The following CYP4Z1 variants were observed in gnomAD, a reference collection of about 807,000 sequenced individuals.
The protein encoded by CYP4Z1 is cytochrome P450 family 4 subfamily Z member 1, also known as cytochrome P450 4Z1.
In CYP4Z1, 41 loss-of-function variants were observed where a neutral mutation model predicts 54.2. That is an observed-to-expected ratio of 0.76 (90% confidence interval 0.59 to 0.98). CYP4Z1 has a LOEUF of 0.98. CYP4Z1 is among the 50% of genes least tolerant of loss of function. CYP4Z1 has a pLI of 0.00. For missense variants in CYP4Z1, 513 were observed against 599.0 expected, an observed-to-expected ratio of 0.86 and a Z score of 1.50; for synonymous variants, 163 against 206.2, an observed-to-expected ratio of 0.79 and a Z score of 1.79.
At chr1:47,110,192 T>C (rs12135484) in intron 9 of CYP4Z1, among the ~76,000 whole-genome samples, 43,653 of 122,672 alleles carry the variant, frequency 0.36, 8,755 homozygotes, top group East Asian at 0.95. Flanking sequence ...AATCTGATGG[T>C]CCAGTAAGCC....
chr1:47,097,918 T>C (rs944781168), intron 7 of CYP4Z1, among the ~76,000 whole-genome samples: 2 of 149,802 alleles, frequency 1.3e-5, no homozygotes, highest in African/African-American at 4.9e-5. Flanking sequence ...CAGGTTCAAG[T>C]GATTCTCATG....
intron 6 of CYP4Z1, among the ~76,000 whole-genome samples, chr1:47,092,757 A>G (rs1452261761): frequency 6.6e-6 from 1 of 151,426 alleles, no homozygotes; most frequent in Non-Finnish European, 1.5e-5. Context: ...CCTGATTTTT[A>G]GCTGCTGTGA....
intron 2 of CYP4Z1, among the ~76,000 whole-genome samples, chr1:47,069,356 C>T (rs1363485011): frequency 2.0e-5 from 3 of 152,230 alleles, no homozygotes; most frequent in Non-Finnish European, 4.4e-5. Flanking sequence ...CTGGCCTTCG[C>T]CTCACTCTCC....
intron 6 of CYP4Z1, among the ~76,000 whole-genome samples, chr1:47,085,633 C>CT (rs951716235): frequency 9.2e-5 from 14 of 151,814 alleles, no homozygotes; most frequent in East Asian, 1.9e-4. Context: ...ATTCCATACT[C>CT]TTTTTTTTCC....
Position 47,115,491 on chromosome 1 carries a change from G to A in CYP4Z1, c.1202-38G>A, listed in dbSNP as rs368856358. 13 of 1,556,220 alleles carry A rather than the reference G, an allele frequency of 8.4e-6. No homozygotes were observed. The East Asian group carries it at 1.1e-4, about 13-fold the overall frequency. ...AGAAAAAAAAAAAGACAGAATCTTC[G>A]CTCATGCACTTACCTGCTTTTTCTT... On this transcript the variant is annotated intron_variant, in intron 9 of 11. Coordinates refer to ENST00000334194, the MANE Select transcript of CYP4Z1 (RefSeq NM_178134.3).
chr1:47,073,747 T>C (rs1433405308), intron 2 of CYP4Z1, among the ~76,000 whole-genome samples: 1 of 151,300 alleles, frequency 6.6e-6, no homozygotes, highest in Non-Finnish European at 1.5e-5. Context: ...GCCCATTGTT[T>C]ATCTTTGGAG....
chr1:47,063,085 A>G (rs1227796741), upstream of CYP4Z1, among the ~76,000 whole-genome samples: 1 of 152,234 alleles, frequency 6.6e-6, no homozygotes, highest in Non-Finnish European at 1.5e-5. Flanking sequence ...ACTCCCCAGT[A>G]GCAGCCTAGA....
chr1:47,062,087 A>G, the CYP4Z1 span, among the ~76,000 whole-genome samples: 2 of 152,216 alleles, frequency 1.3e-5, no homozygotes, highest in Admixed American at 1.3e-4. Context: ...ATGAATGGGG[A>G]AAAGATGGAA....
At chr1:47,056,185 G>A in the CYP4Z1 span, among the ~76,000 whole-genome samples, 3 of 152,156 alleles carry the variant, frequency 2.0e-5, no homozygotes, top group Non-Finnish European at 2.9e-5. Context: ...GTACCCAGTA[G>A]TCATTCAGGA....
intron 7 of CYP4Z1, among the ~76,000 whole-genome samples, 191 bp downstream of exon 7, chr1:47,094,860 T>A (rs1644665666): frequency 6.6e-6 from 1 of 151,950 alleles, no homozygotes; most frequent in African/African-American, 2.4e-5. Context: ...ACACAAAAAT[T>A]AGCTGGGCAT....
chr1:47,096,254 TA>T lies in CYP4Z1; in HGVS notation c.876+1591del, dbSNP rs1644675960. Among the ~76,000 whole-genome samples the T allele has an allele frequency of 2.0e-5, 3 of 152,032 alleles. 1 individual carries two copies. The highest frequency in any genetic ancestry group is 2.1e-4 in the South Asian group (1 of 4,816). On this transcript the variant is annotated intron_variant, in intron 7 of 11. Transcript: ENST00000334194. Reference sequence around the variant, plus strand: ...GCAACATAGCAAGACCCCAACTCTATAAAAAATTTAAAAATTATCCAGGTGT... The same window carrying T: ...GCAACATAGCAAGACCCCAACTCTATAAAAATTTAAAAATTATCCAGGTGT...
intron 10 of CYP4Z1, among the ~76,000 whole-genome samples, chr1:47,115,871 C>G (rs1383103428): frequency 6.6e-6 from 1 of 152,186 alleles, no homozygotes; most frequent in Non-Finnish European, 1.5e-5. Context: ...CCACCTTGCT[C>G]TCTGCTTTCA....
intron 8 of CYP4Z1, among the ~76,000 whole-genome samples, chr1:47,104,858 A>T (rs2148539144): frequency 6.6e-6 from 1 of 152,020 alleles, no homozygotes; most frequent in East Asian, 1.9e-4. Flanking sequence ...GAATGCTCAG[A>T]TGAGAATGGC....
chr1:47,082,248 T>C (rs1223087741), intron 3 of CYP4Z1, 86 bp from the exon 4 acceptor site: 1 of 1,492,612 alleles, frequency 6.7e-7, no homozygotes, highest in East Asian at 2.3e-5. Flanking sequence ...TCCAGTGTCA[T>C]AGATAGGGAA....
chr1:47,113,372 C>T (rs535637477), intron 9 of CYP4Z1, among the ~76,000 whole-genome samples: 3 of 152,126 alleles, frequency 2.0e-5, no homozygotes, highest in Non-Finnish European at 4.4e-5. Context: ...ATGAGGTTCC[C>T]CTCTCAATTC....
intron 6 of CYP4Z1, among the ~76,000 whole-genome samples, chr1:47,090,966 C>T (rs1292419748): frequency 7.7e-6 from 1 of 130,480 alleles, no homozygotes; most frequent in Non-Finnish European, 1.6e-5. Flanking sequence ...GTTGTGTTAT[C>T]GTCTATTGGA....
At chr1:47,108,084 C>A (rs1203966552) in intron 9 of CYP4Z1, among the ~76,000 whole-genome samples, 3 of 152,230 alleles carry the variant, frequency 2.0e-5, no homozygotes, top group South Asian at 4.1e-4. Flanking sequence ...GAAGTGCACA[C>A]GCAGAGTTGC....
intron 6 of CYP4Z1, among the ~76,000 whole-genome samples, chr1:47,088,122 T>A (rs934605276): frequency 6.6e-6 from 1 of 152,222 alleles, no homozygotes; most frequent in Non-Finnish European, 1.5e-5. Flanking sequence ...GATTTTTGCA[T>A]CAATGTTCAT....
intron 8 of CYP4Z1, 30 bp downstream of exon 8, chr1:47,099,314 A>G (rs764014235): frequency 6.5e-7 from 1 of 1,542,224 alleles, no homozygotes. Context: ...TTCATCCTGA[A>G]TTTTCCCCTT....
Sources: allele counts gnomAD v4.1 joint callset (sites outside exome capture counted in the v4.1 genomes callset), GRCh38; gene constraint gnomAD v4.1.1; transcripts MANE v1.5; gene names NCBI Gene and HGNC (gene_info 2026-07-23, HGNC 2026-07-21).